The following SCHIP1 variants were observed in gnomAD, a reference collection of about 807,000 sequenced individuals.
SCHIP1 encodes the protein schwannomin-interacting protein 1.
SCHIP1 carries 8 observed loss-of-function variants against 29.7 expected under a neutral mutation model. That is an observed-to-expected ratio of 0.27 (90% CI 0.16 to 0.49). The LOEUF is 0.49. Ranked by LOEUF, SCHIP1 falls within the 20% of genes least tolerant of loss-of-function variation. The pLI is 0.99. For missense variants in SCHIP1, 193 were observed against 294.6 expected (o/e 0.66, Z 2.52); for synonymous variants, 76 against 94.9 (o/e 0.80, Z 1.16).
the SCHIP1 span, among the ~76,000 whole-genome samples, chr3:159,606,621 C>T: frequency 6.6e-6 from 1 of 152,134 alleles, no homozygotes; most frequent in Non-Finnish European, 1.5e-5. Context: ...GATGGCAGGA[C>T]ACCCATGGTA....
At chr3:159,552,352 G>T in the SCHIP1 span, among the ~76,000 whole-genome samples, 1 of 151,960 alleles carries the variant, frequency 6.6e-6, no homozygotes, top group Non-Finnish European at 1.5e-5. Context: ...GGCCCACATT[G>T]CATTTTAATT....
the SCHIP1 span, among the ~76,000 whole-genome samples, chr3:159,723,629 T>A: frequency 6.6e-6 from 1 of 152,202 alleles, no homozygotes; most frequent in Admixed American, 6.5e-5. Context: ...ATTTCCTGTT[T>A]ATTGTGAAGA....
At chr3:159,707,665 G>C in the SCHIP1 span, among the ~76,000 whole-genome samples, 4 of 152,048 alleles carry the variant, frequency 2.6e-5, no homozygotes, top group African/African-American at 9.7e-5. Context: ...TGTTATGAAC[G>C]AGATCCCATA....
At chr3:159,589,343 A>C in the SCHIP1 span, among the ~76,000 whole-genome samples, 1 of 152,306 alleles carries the variant, frequency 6.6e-6, no homozygotes, top group Non-Finnish European at 1.5e-5. Flanking sequence ...GTTGCTTATC[A>C]GCTTAAGGAG....
the SCHIP1 span, among the ~76,000 whole-genome samples, chr3:159,318,258 TCA>T: frequency 5.3e-5 from 8 of 152,170 alleles, no homozygotes; most frequent in Non-Finnish European, 7.3e-5. Flanking sequence ...ACAAATATTT[TCA>T]CAGTTTTTGA....
chr3:159,531,283 A>T, the SCHIP1 span, among the ~76,000 whole-genome samples: 6 of 152,182 alleles, frequency 3.9e-5, no homozygotes, highest in Non-Finnish European at 5.9e-5. Flanking sequence ...ATTCCTAGAG[A>T]TGTTTCCTGC....
the SCHIP1 span, among the ~76,000 whole-genome samples, chr3:159,405,310 G>T: frequency 2.0e-5 from 3 of 152,152 alleles, no homozygotes; most frequent in Non-Finnish European, 4.4e-5. Flanking sequence ...AGGTACCAGG[G>T]ACCAATCCTG....
the SCHIP1 span, among the ~76,000 whole-genome samples, chr3:159,308,544 G>A: frequency 6.6e-6 from 1 of 152,232 alleles, no homozygotes; most frequent in South Asian, 2.1e-4. Flanking sequence ...AGAAAAGGGA[G>A]TGCTTATACC....
At chr3:159,493,175 AG>A in the SCHIP1 span, among the ~76,000 whole-genome samples, 1 of 152,250 alleles carries the variant, frequency 6.6e-6, no homozygotes, top group Non-Finnish European at 1.5e-5. Flanking sequence ...CATCAAGGCT[AG>A]GAAGAAACTG....
the SCHIP1 span, among the ~76,000 whole-genome samples, chr3:159,416,259 A>G: frequency 6.6e-6 from 1 of 152,208 alleles, no homozygotes; most frequent in Non-Finnish European, 1.5e-5. Flanking sequence ...ATCTCTCTAC[A>G]GAAGCCTCCC....
chr3:159,562,045 T>A, the SCHIP1 span, among the ~76,000 whole-genome samples: 10 of 152,210 alleles, frequency 6.6e-5, no homozygotes, highest in Non-Finnish European at 7.3e-5. Flanking sequence ...GTGCTTTCCT[T>A]GCATTTCCTG....
At chr3:159,482,330 G>A in the SCHIP1 span, among the ~76,000 whole-genome samples, 1 of 152,116 alleles carries the variant, frequency 6.6e-6, no homozygotes, top group Non-Finnish European at 1.5e-5. Flanking sequence ...AAGGACGTAT[G>A]AATACTTTTA....
the SCHIP1 span, among the ~76,000 whole-genome samples, chr3:159,622,505 T>TA: frequency 6.6e-6 from 1 of 152,242 alleles, no homozygotes; most frequent in East Asian, 1.9e-4. Flanking sequence ...GAGTTCTTTT[T>TA]ATCTCAAGAT....
chr3:159,297,022 C>G, the SCHIP1 span, among the ~76,000 whole-genome samples: 1 of 151,960 alleles, frequency 6.6e-6, no homozygotes, highest in Middle Eastern at 3.4e-3. Flanking sequence ...CATGCCTTGT[C>G]TTTCTGTGTC....
chr3:159,572,311 G>C, the SCHIP1 span, among the ~76,000 whole-genome samples: 1 of 152,070 alleles, frequency 6.6e-6, no homozygotes, highest in South Asian at 2.1e-4. Flanking sequence ...AGAGATTCTG[G>C]TATGTTGTGT....
chr3:159,835,565 T>C (rs191940071), upstream of SCHIP1, among the ~76,000 whole-genome samples: 1 of 152,268 alleles, frequency 6.6e-6, no homozygotes, highest in African/African-American at 2.4e-5. Context: ...CATCAGTAAG[T>C]GCCCTAAATA....
At chr3:159,823,155 G>A in the SCHIP1 span, among the ~76,000 whole-genome samples, 9 of 152,282 alleles carry the variant, frequency 5.9e-5, no homozygotes, top group African/African-American at 2.2e-4. Context: ...GTATAAATTG[G>A]AGTAAGAAGT....
the SCHIP1 span, among the ~76,000 whole-genome samples, chr3:159,654,319 ACT>A: frequency 1.3e-5 from 2 of 151,824 alleles, no homozygotes; most frequent in African/African-American, 2.4e-5. Flanking sequence ...ATTTTTCCCA[ACT>A]CTCTATCAGA....
the SCHIP1 span, among the ~76,000 whole-genome samples, chr3:159,483,592 A>G: frequency 6.6e-6 from 1 of 152,192 alleles, no homozygotes; most frequent in African/African-American, 2.4e-5. Flanking sequence ...GTTTCCAGAA[A>G]GATTATAAAA....
Sources: allele counts gnomAD v4.1 joint callset (sites outside exome capture counted in the v4.1 genomes callset), GRCh38; gene constraint gnomAD v4.1.1; transcripts MANE v1.5; gene names NCBI Gene and HGNC (gene_info 2026-07-23, HGNC 2026-07-21).